The following PTPRG variants were observed in gnomAD, a reference collection of about 807,000 sequenced individuals.
PTPRG encodes receptor-type tyrosine-protein phosphatase gamma.
PTPRG carries 102 observed loss-of-function variants against 165.3 expected under a neutral mutation model. That is an observed-to-expected ratio of 0.62 (90% CI 0.53 to 0.73). The LOEUF is 0.73. Among genes scored for constraint, PTPRG ranks in the 30% least tolerant of loss-of-function variants. PTPRG has a pLI of 0.00. For synonymous variants in PTPRG, 675 were observed against 669.5 expected (o/e 1.01, Z -0.13); for missense variants, 1,866 against 1,861.4 (o/e 1.00, Z -0.05).
intron 4 of PTPRG, among the ~76,000 whole-genome samples, chr3:62,033,361 ATT>A (rs199968064): frequency 0.03 from 3,722 of 124,256 alleles, 127 homozygotes; most frequent in African/African-American, 0.1. Flanking sequence ...CTCCCTATAC[ATT>A]TTTTTTTTTT....
chr3:61,933,279 C>G (rs2039405899), intron 2 of PTPRG, among the ~76,000 whole-genome samples: 1 of 152,136 alleles, frequency 6.6e-6, no homozygotes, highest in Non-Finnish European at 1.5e-5. Flanking sequence ...ACGATTTTGT[C>G]CCCTCTGCAG....
intron 1 of PTPRG, among the ~76,000 whole-genome samples, chr3:61,596,777 A>T (rs1336761808): frequency 7.1e-6 from 1 of 141,220 alleles, no homozygotes; most frequent in Non-Finnish European, 1.5e-5. Flanking sequence ...AGTCTCAATT[A>T]GTTTATTATT....
chr3:61,610,450 G>C (rs1701133279), intron 1 of PTPRG, among the ~76,000 whole-genome samples: 2 of 152,284 alleles, frequency 1.3e-5, no homozygotes, highest in African/African-American at 4.8e-5. Context: ...TGCCCAGGCA[G>C]GTAAGCTTAG....
chr3:62,075,547 G>GAAAGAAAACTCTCCA (rs1312934990), intron 4 of PTPRG, among the ~76,000 whole-genome samples: 1 of 152,268 alleles, frequency 6.6e-6, no homozygotes, highest in Non-Finnish European at 1.5e-5. Flanking sequence ...TTACCTTTAA[G>GAAAGAAAACTCTCCA]AAAGAAAACT....
At chr3:62,175,768 G>A (rs1404990699) in intron 8 of PTPRG, among the ~76,000 whole-genome samples, 1 of 152,184 alleles carries the variant, frequency 6.6e-6, no homozygotes, top group African/African-American at 2.4e-5. Context: ...GCGGTAGAGT[G>A]TGGTGAGGTG....
chr3:62,246,887 A>AT (rs1165586724), intron 15 of PTPRG, among the ~76,000 whole-genome samples: 2 of 152,098 alleles, frequency 1.3e-5, no homozygotes, highest in Non-Finnish European at 2.9e-5. Context: ...TCTATAATTG[A>AT]TTTTTTTAAA....
At chr3:61,616,125 A>G (rs1311098793) in intron 1 of PTPRG, among the ~76,000 whole-genome samples, 2 of 152,062 alleles carry the variant, frequency 1.3e-5, no homozygotes, top group African/African-American at 4.8e-5. Flanking sequence ...TAATTTTTGT[A>G]TCTTTAGTAG....
At chr3:61,903,661 A>ACCGTG (rs1301730384) in intron 2 of PTPRG, among the ~76,000 whole-genome samples, 2 of 152,164 alleles carry the variant, frequency 1.3e-5, no homozygotes, top group Non-Finnish European at 2.9e-5. Flanking sequence ...TGCGTGAGCC[A>ACCGTG]CCGTGCCCGG....
intron 1 of PTPRG, among the ~76,000 whole-genome samples, chr3:61,648,609 C>T (rs1464943765): frequency 2.0e-5 from 3 of 152,198 alleles, no homozygotes; most frequent in Non-Finnish European, 1.5e-5. Context: ...GGCTGATGCA[C>T]CAAGGGAACG....
intron 1 of PTPRG, among the ~76,000 whole-genome samples, chr3:61,653,057 T>A (rs191766889): frequency 6.6e-6 from 1 of 152,064 alleles, no homozygotes; most frequent in East Asian, 1.9e-4. Flanking sequence ...TAAGTACATA[T>A]AAGATAAGGG....
chr3:62,132,868 G>A (rs1481233951), intron 6 of PTPRG, among the ~76,000 whole-genome samples, 200 bp downstream of exon 6: 1 of 152,188 alleles, frequency 6.6e-6, no homozygotes, highest in East Asian at 1.9e-4. Context: ...TTAACAGTAA[G>A]CAGTTTGTTT....
chr3:61,992,802 G>A (rs1052508634), intron 3 of PTPRG, among the ~76,000 whole-genome samples: 5 of 151,646 alleles, frequency 3.3e-5, no homozygotes, highest in Admixed American at 6.6e-5. Context: ...GATTACAGGC[G>A]TGAGCCACCG....
At chr3:61,603,456 A>G (rs533429438) in intron 1 of PTPRG, among the ~76,000 whole-genome samples, 1 of 152,326 alleles carries the variant, frequency 6.6e-6, no homozygotes, top group East Asian at 1.9e-4. Context: ...CCGGAAGCCA[A>G]GTAGATGCCA....
intron 2 of PTPRG, among the ~76,000 whole-genome samples, chr3:61,972,502 C>T (rs1276872291): frequency 6.6e-6 from 1 of 151,846 alleles, no homozygotes; most frequent in Non-Finnish European, 1.5e-5. Flanking sequence ...GAGGGTGGGT[C>T]AGAGAGTCAG....
chr3:61,948,470 A>C (rs2039818971), intron 2 of PTPRG, among the ~76,000 whole-genome samples: 1 of 152,136 alleles, frequency 6.6e-6, no homozygotes, highest in Non-Finnish European at 1.5e-5. Context: ...AAACACCTCA[A>C]ATTTCTTTCT....
intron 1 of PTPRG, among the ~76,000 whole-genome samples, chr3:61,635,030 C>G (rs762727241): frequency 1.1e-4 from 17 of 152,098 alleles, no homozygotes; most frequent in Non-Finnish European, 2.4e-4. Flanking sequence ...TATCTAAAGT[C>G]TGTATTTGTA....
chr3:61,778,606 C>T (rs185927698), intron 2 of PTPRG, among the ~76,000 whole-genome samples: 23 of 152,102 alleles, frequency 1.5e-4, no homozygotes, highest in Admixed American at 1.3e-3. Flanking sequence ...ACCCTATTCT[C>T]CTGCCTCAAC....
chr3:61,994,337 A>G (rs766796194), intron 3 of PTPRG, among the ~76,000 whole-genome samples: 16 of 152,120 alleles, frequency 1.1e-4, no homozygotes, highest in Non-Finnish European at 2.2e-4. Context: ...TTTTTAAACT[A>G]CTTTTTCTTA....
chr3:61,738,512 C>T (rs904267926), intron 1 of PTPRG, among the ~76,000 whole-genome samples: 174 of 150,500 alleles, frequency 1.2e-3, no homozygotes, highest in African/African-American at 4.2e-3. Context: ...GTGCTCTATT[C>T]GACTTATACA....
Sources: gnomAD v4.1 joint callset for allele counts (sites outside exome capture counted in the v4.1 genomes callset) on GRCh38, gnomAD v4.1.1 for gene constraint, MANE v1.5 for transcripts, NCBI Gene and HGNC (gene_info 2026-07-23, HGNC 2026-07-21) for gene names.